Variants in NIN observed in about 807,000 individuals in gnomAD.
The protein encoded by NIN is ninein.
Under a neutral mutation model 257.6 loss-of-function variants are expected in NIN, and 137 were observed. That is an observed-to-expected ratio of 0.53 (90% CI 0.46 to 0.61). NIN has a LOEUF of 0.61. NIN is among the 20% of genes least tolerant of loss of function. NIN has a pLI of 0.00. For missense variants in NIN, 2,439 were observed against 2,501.2 expected (o/e 0.98, Z 0.53); for synonymous variants, 918 against 919.8 (o/e 1.00, Z 0.04).
intron 5 of NIN, among the ~76,000 whole-genome samples, chr14:50,783,410 C>G (rs1160701701): frequency 6.6e-6 from 1 of 152,096 alleles, no homozygotes; most frequent in Admixed American, 6.5e-5. Context: ...AGAATTCCCC[C>G]TAGGACCCTT....
In NIN at chr14:50,772,442, G is replaced by A; in HGVS notation, c.840C>T (p.Thr280=). The A allele has an allele frequency of 1.2e-6, 2 of 1,614,132 alleles. No homozygotes were observed. The highest frequency in any genetic ancestry group is 1.7e-6 in the Non-Finnish European group (2 of 1,180,022). ...MQSFDESGRR[T]TTSSAMTSTI... ...TACTTGTCATTGCTGATGAGGTTGTGGTACGTCGTCCACTCTCATCGAAAG... is the reference window on the plus strand; with the variant it reads ...TACTTGTCATTGCTGATGAGGTTGTAGTACGTCGTCCACTCTCATCGAAAG... The change falls in exon 9 of 31, where the codon ACC becomes ACT. Residue 280 remains threonine, a synonymous_variant. Transcript: ENST00000530997.
intron 5 of NIN, among the ~76,000 whole-genome samples, chr14:50,780,572 T>C (rs925390107): frequency 3.9e-5 from 6 of 152,146 alleles, no homozygotes; most frequent in Non-Finnish European, 8.8e-5. Flanking sequence ...TTCTCCACAC[T>C]CACTAGTGGT....
chr14:50,754,781 A>C lies in NIN; in HGVS notation c.4625T>G (p.Leu1542Arg), dbSNP rs2041949961. 6.3e-7 allele frequency: 1 copy of C among 1,582,220 alleles called. No homozygotes were observed. Among genetic ancestry groups the C allele is most frequent in the African/African-American group, 1.4e-5 (1 of 73,882 alleles). ...AGATCCATTTAATGTCCCTAATTTC[A>C]GGTTAGAAATGCTATCTTCTTCATT... The part of the protein sequence containing the change: ...TLNEEDSISN[L>R]KLGTLNGSQE... The change falls in exon 19 of 31, where the codon CTG (leucine) becomes CGG (arginine). Residue 1542 changes from leucine (L) to arginine (R), a missense_variant. Coordinates refer to ENST00000530997, the MANE Select transcript of NIN (RefSeq NM_020921.4).
At chr14:50,754,371 T>C (rs947743872) in intron 20 of NIN, among the ~76,000 whole-genome samples, 192 bp downstream of exon 20, 7 of 152,164 alleles carry the variant, frequency 4.6e-5, no homozygotes, top group Non-Finnish European at 8.8e-5. Context: ...AATATATACA[T>C]TATTTAACAT....
chr14:50,777,865 A>C (rs2042979541), intron 6 of NIN, among the ~76,000 whole-genome samples: 1 of 152,238 alleles, frequency 6.6e-6, no homozygotes, highest in East Asian at 1.9e-4. Flanking sequence ...TCATTACTTA[A>C]ACATGAGATA....
At chr14:50,763,482 C>G (rs1436068825) in intron 15 of NIN, among the ~76,000 whole-genome samples, 2 of 152,228 alleles carry the variant, frequency 1.3e-5, no homozygotes, top group African/African-American at 4.8e-5. Context: ...TCGAAGAGGA[C>G]AGCAATAGCT....
intron 28 of NIN, among the ~76,000 whole-genome samples, chr14:50,732,492 G>A (rs891465532): frequency 2.0e-5 from 3 of 152,138 alleles, no homozygotes; most frequent in Non-Finnish European, 2.9e-5. Context: ...AGCTACAGCC[G>A]AGTGATGAAC....
rs1276576636 is a variant in NIN, at chr14:50,806,841, T to C, written c.184-23A>G. 2.5e-6 allele frequency: 3 copies of C among 1,197,244 alleles called. No homozygotes were observed. The Admixed American group carries it at 5.5e-5, about 22-fold the overall frequency. 74.2% of individuals were successfully genotyped at this position (1,197,244 alleles called of 1,614,324 possible). A position where few individuals can be genotyped will look rare whatever the true frequency, so the allele number is the denominator to read the frequency against. ...TACCTAAAAAAAATTAAAAATAGAT[T>C]TAAAGTAATTTCCACAGCTCTAAGA... On this transcript the variant is annotated intron_variant, in intron 3 of 30. Coordinates refer to ENST00000530997, the MANE Select transcript of NIN (RefSeq NM_020921.4).
At chr14:50,752,782 T>TAA (rs3083537) in intron 20 of NIN, 49 bp from the exon 21 acceptor site, 13,555 of 692,644 alleles carry the variant, frequency 0.02, 62 homozygotes, top group African/African-American at 0.034. Flanking sequence ...CTACTTGTGC[T>TAA]AAAAAAAAAA....
intron 7 of NIN, among the ~76,000 whole-genome samples, chr14:50,775,955 T>G (rs2042908082): frequency 6.6e-6 from 1 of 152,064 alleles, no homozygotes; most frequent in African/African-American, 2.4e-5. Context: ...CAAAAAAAAT[T>G]TTCTGTAAGC....
chr14:50,775,079 A>G (rs929262056), intron 7 of NIN, among the ~76,000 whole-genome samples: 2 of 152,256 alleles, frequency 1.3e-5, no homozygotes, highest in Non-Finnish European at 2.9e-5. Flanking sequence ...GGTTTAAGAC[A>G]TCAGAAAGTA....
At chr14:50,817,420 C>A (rs1566878950) in intron 3 of NIN, among the ~76,000 whole-genome samples, 1 of 152,020 alleles carries the variant, frequency 6.6e-6, no homozygotes, top group Non-Finnish European at 1.5e-5. Flanking sequence ...TGAAATTTAT[C>A]AAGAAATTTA....
chr14:50,810,655 T>C (rs1047763147), intron 3 of NIN, among the ~76,000 whole-genome samples: 2 of 152,170 alleles, frequency 1.3e-5, no homozygotes, highest in Non-Finnish European at 2.9e-5. Flanking sequence ...AAAACTCTAT[T>C]TTTTTTAATT....
chr14:50,811,997 G>A (rs2044650445), intron 3 of NIN, among the ~76,000 whole-genome samples: 3 of 151,784 alleles, frequency 2.0e-5, no homozygotes, highest in Admixed American at 2.0e-4. Context: ...GGCAGTGCCT[G>A]TAGTCCCAGC....
chr14:50,790,438 AAGC>A (rs2043542281), intron 5 of NIN, among the ~76,000 whole-genome samples: 1 of 152,196 alleles, frequency 6.6e-6, no homozygotes, highest in African/African-American at 2.4e-5. Context: ...TTAGGCAAGA[AAGC>A]AGTTGGATGA....
At chr14:50,810,230 C>CA (rs57511926) in intron 3 of NIN, among the ~76,000 whole-genome samples, 18,516 of 72,524 alleles carry the variant, frequency 0.26, 1,766 homozygotes, top group East Asian at 0.44. Flanking sequence ...GACTCCGTCT[C>CA]AAAAAAAAAA....
At chr14:50,771,558 GA>G (rs2042733439) in intron 9 of NIN, 90 bp from the exon 10 acceptor site, 1 of 1,386,028 alleles carries the variant, frequency 7.2e-7, no homozygotes, top group African/African-American at 1.4e-5. Context: ...CAAACTCTGA[GA>G]GCTGACAATG....
chr14:50,726,837 G>C (rs1829545568), intron 29 of NIN, among the ~76,000 whole-genome samples: 2 of 152,144 alleles, frequency 1.3e-5, no homozygotes, highest in Non-Finnish European at 2.9e-5. Flanking sequence ...AGGAATTTCA[G>C]ATTTCATAAA....
In NIN at chr14:50,822,172, A is replaced by G. The variant is rs188652198; in HGVS notation, c.-21-95T>C. On this transcript the variant is annotated intron_variant, in intron 2 of 30. Coordinates refer to ENST00000530997, the MANE Select transcript of NIN (RefSeq NM_020921.4). Reference sequence around the variant, plus strand: ...ACATTCCCGTTCTCTGTACCCCACCAGTCTCTAGGGAATGCTCGGGAACAC... The same window carrying G: ...ACATTCCCGTTCTCTGTACCCCACCGGTCTCTAGGGAATGCTCGGGAACAC... 4.8e-4 allele frequency: 414 copies of G among 853,618 alleles called. 2 individuals are homozygous for G. The African/African-American group carries it at 6.3e-3, about 13-fold the overall frequency. The allele number at this position is 853,618 out of a possible 1,614,324, so 52.9% of individuals were successfully genotyped here.
Sources: allele counts gnomAD v4.1 joint callset (sites outside exome capture counted in the v4.1 genomes callset), GRCh38; gene constraint gnomAD v4.1.1; transcripts MANE v1.5; gene names NCBI Gene and HGNC (gene_info 2026-07-23, HGNC 2026-07-21).